SPTAN1: variants seen among roughly 807,000 people sequenced by gnomAD.
SPTAN1 encodes the protein spectrin alpha, non-erythrocytic 1, also known as spectrin alpha chain, non-erythrocytic 1.
A neutral mutation model predicts 331.3 loss-of-function variants in SPTAN1; 61 were observed. The ratio of observed to expected loss-of-function variants is 0.18; its 90% CI spans 0.15 to 0.23. The LOEUF is 0.23. Among genes scored for constraint, SPTAN1 ranks in the 10% least tolerant of loss-of-function variants. SPTAN1 has a pLI of 1.00. For synonymous variants in SPTAN1, 1,153 were observed against 1,173.9 expected, an observed-to-expected ratio of 0.98 and a Z score of 0.36; for missense variants, 2,043 against 3,147.9, an observed-to-expected ratio of 0.65 and a Z score of 8.40.
intron 24 of SPTAN1, among the ~76,000 whole-genome samples, chr9:128,598,043 G>T (rs1854549597): frequency 6.6e-6 from 1 of 152,004 alleles, no homozygotes; most frequent in African/African-American, 2.4e-5. Context: ...CTGCCTACCG[G>T]GTTCAAGCGA....
intron 39 of SPTAN1, 105 bp downstream of exon 39, chr9:128,612,351 AC>A: frequency 2.1e-6 from 3 of 1,405,394 alleles, no homozygotes; most frequent in Non-Finnish European, 3.0e-6. Flanking sequence ...CTCACCAGAC[AC>A]CCCTTTTGAC....
chr9:128,599,484 T>C, intron 26 of SPTAN1: 1 of 168,608 alleles, frequency 5.9e-6, no homozygotes, highest in South Asian at 1.4e-4. Context: ...AAAAGTTGGT[T>C]TTTTTTTTTT....
At chr9:128,628,049 G>A in intron 51 of SPTAN1, 107 bp downstream of exon 51, 1 of 1,413,796 alleles carries the variant, frequency 7.1e-7, no homozygotes, top group Non-Finnish European at 1.0e-6. Flanking sequence ...TTCCTGCCCA[G>A]GGCGGGCTGC....
chr9:128,598,379 A>G, intron 24 of SPTAN1, 21 bp from the exon 25 acceptor site: 2 of 1,598,456 alleles, frequency 1.3e-6, no homozygotes, highest in Non-Finnish European at 1.7e-6. Flanking sequence ...GGTTTTAGTT[A>G]TTATGGCTTT....
chr9:128,585,974 G>A lies in SPTAN1; in HGVS notation c.2778+9G>A. 1 of 1,612,038 alleles carries A rather than the reference G, an allele frequency of 6.2e-7. No individual in the cohort carries two copies. The highest frequency in any genetic ancestry group is 8.5e-7 in the Non-Finnish European group (1 of 1,179,816). ...ACGAAGACTCTGCTGAGGTAACCAG[G>A]CGTGGGAAGCGTCTCACCTGCCAGG... On this transcript the variant is annotated intron_variant, in intron 19 of 56. Transcript: ENST00000372739.
At position 128,608,155 on chromosome 9, in the gene SPTAN1, C is replaced by G; in HGVS notation, c.4370C>G (p.Ala1457Gly). Residue 1457 changes from alanine to glycine, a missense_variant, in exon 34 of 57, where the codon GCT becomes GGT. By Grantham distance (60) the Ala-to-Gly change is moderately conservative (BLOSUM62 0). Transcript: ENST00000372739. ...LQLFHRDCEQ[A>G]ENWMAAREAF... ...CTGTTCCATCGGGACTGTGAGCAAG[C>G]TGAGAACTGGATGGCTGCCCGGGAG... The G allele has an allele frequency of 1.2e-6, 2 of 1,614,176 alleles. No individual in the cohort carries two copies. Among genetic ancestry groups the G allele is most frequent in the Non-Finnish European group, 8.5e-7 (1 of 1,180,042 alleles).
rs1011262401 is a variant in SPTAN1, at chr9:128,612,865, C to T, written c.5044-516C>T. 3.3e-5 allele frequency among the ~76,000 whole-genome samples: 5 copies of T among 151,814 alleles called. No individual in the cohort carries two copies. In the South Asian group the frequency reaches 1.0e-3, roughly 32 times the overall value. On this transcript the variant is annotated intron_variant, in intron 39 of 56. Transcript: ENST00000372739. Reference sequence around the variant, plus strand: ...GCTTGAACCTGGGAGGTGGAGGTTGCAGTGAGCTGGGATCACACCATTGCA... The same window carrying T: ...GCTTGAACCTGGGAGGTGGAGGTTGTAGTGAGCTGGGATCACACCATTGCA...
chr9:128,573,592 G>A (rs1357011426), intron 3 of SPTAN1, among the ~76,000 whole-genome samples: 1 of 152,126 alleles, frequency 6.6e-6, no homozygotes, highest in African/African-American at 2.4e-5. Flanking sequence ...GAGTAGCTGG[G>A]ATTACAGGTG....
rs1212775099 is a variant in SPTAN1 at position 128,625,566 on chromosome 9, A to G, written c.6070-203A>G. Among the ~76,000 whole-genome samples, 2 of 152,154 alleles carry G rather than the reference A, an allele frequency of 1.3e-5. No homozygotes were observed. Among genetic ancestry groups the G allele is most frequent in the Non-Finnish European group, 2.9e-5 (2 of 68,020 alleles). ...GGCGGGAGAGCGGAAGGCTGGGGTC[A>G]GGGAGGTGGGAGGAGGCTGCCGCAG... On this transcript the variant is annotated intron_variant, in intron 47 of 56. Transcript: ENST00000372739. The surrounding 1 kb of genome is among the most constrained non-coding windows in gnomAD (Gnocchi z 4.1).
At chr9:128,593,846 G>A in intron 23 of SPTAN1, 1 of 370,438 alleles carries the variant, frequency 2.7e-6, no homozygotes, top group Non-Finnish European at 5.2e-6. Flanking sequence ...CACTGTAGTT[G>A]CATGAGCCCT....
intron 44 of SPTAN1, among the ~76,000 whole-genome samples, chr9:128,620,396 G>T (rs754343710): frequency 6.6e-6 from 1 of 152,168 alleles, no homozygotes; most frequent in Non-Finnish European, 1.5e-5. Context: ...AAAAAGGCAT[G>T]GTCTGCAGTG....
Position 128,568,704 on chromosome 9 carries a change from G to C in SPTAN1, c.238-68G>C, listed in dbSNP as rs368596995. The C allele has an allele frequency of 7.0e-5, 112 of 1,605,324 alleles. No homozygotes were observed. The East Asian group carries it at 9.4e-4, about 13-fold the overall frequency. On this transcript the variant is annotated intron_variant, in intron 2 of 56. Transcript: ENST00000372739. ...GGATTGAGGAGGGGAGGAACACGGG[G>C]AACAGCGGGGACAAAATGCTGATGC...
chr9:128,618,719 G>A (rs1234135449), intron 43 of SPTAN1, 152 bp from the exon 44 acceptor site: 4 of 1,081,948 alleles, frequency 3.7e-6, no homozygotes, highest in South Asian at 1.3e-5. Flanking sequence ...TCCTGATCTC[G>A]TGATCTGCCC....
At chr9:128,583,642 T>G in intron 15 of SPTAN1, 146 bp from the exon 16 acceptor site, 1 of 880,142 alleles carries the variant, frequency 1.1e-6, no homozygotes, top group Admixed American at 2.1e-5. Context: ...GAGGCTGCAA[T>G]TGATATTTTC....
intron 37 of SPTAN1, 36 bp from the exon 38 acceptor site, chr9:128,611,678 G>C (rs1856584399): frequency 6.2e-7 from 1 of 1,611,882 alleles, no homozygotes; most frequent in East Asian, 2.2e-5. Flanking sequence ...AACCTAGCAG[G>C]AACTGGTTTG....
chr9:128,625,260 T>C lies in SPTAN1; in HGVS notation c.6069+81T>C. Reference sequence around the variant, plus strand: ...ACTGGTGGCGTCTTTCACTGAGGCATTTATCTTCTGTTAGCCCCTGGGGAT... The same window carrying C: ...ACTGGTGGCGTCTTTCACTGAGGCACTTATCTTCTGTTAGCCCCTGGGGAT... On this transcript the variant is annotated intron_variant, in intron 47 of 56. Coordinates refer to ENST00000372739, the MANE Select transcript of SPTAN1 (RefSeq NM_001130438.3). The surrounding 1 kb of genome is among the most constrained non-coding windows in gnomAD (Gnocchi z 4.1). 1 of 1,397,122 alleles carries C rather than the reference T, an allele frequency of 7.2e-7. No individual in the cohort carries two copies. The highest frequency in any genetic ancestry group is 1.0e-6 in the Non-Finnish European group (1 of 988,950). The allele number at this position is 1,397,122 out of a possible 1,614,324, so 86.5% of individuals were successfully genotyped here.
rs760955571 is a variant in SPTAN1, at chr9:128,584,702, G to T, written c.2438-19G>T. 1.8e-5 allele frequency: 29 copies of T among 1,614,060 alleles called. No homozygotes were observed. The highest frequency in any genetic ancestry group is 2.4e-5 in the Non-Finnish European group (28 of 1,180,040). On this transcript the variant is annotated intron_variant, in intron 17 of 56. Transcript: ENST00000372739. ...TTCTCTTCATGGTTGGATAACTGGG[G>T]ACTGGTGTCTGCTTTCAGGTAAGGA...
chr9:128,574,531 T>C, intron 3 of SPTAN1, 144 bp from the exon 4 acceptor site: 1 of 1,015,114 alleles, frequency 9.9e-7, no homozygotes, highest in Non-Finnish European at 1.5e-6. Flanking sequence ...AAATTTACTA[T>C]TTCCTCTCAG....
At chr9:128,620,403 A>G (rs1200405964) in intron 44 of SPTAN1, among the ~76,000 whole-genome samples, 1 of 152,150 alleles carries the variant, frequency 6.6e-6, no homozygotes, top group Non-Finnish European at 1.5e-5. Flanking sequence ...CATGGTCTGC[A>G]GTGCTTAAAT....
Sources: gnomAD v4.1 joint callset for allele counts (sites outside exome capture counted in the v4.1 genomes callset) on GRCh38, gnomAD v4.1.1 for gene constraint, Gnocchi (gnomAD v3.1) non-coding constraint, MANE v1.5 for transcripts, NCBI Gene and HGNC (gene_info 2026-07-23, HGNC 2026-07-21) for gene names.